Variants in NUFIP1 observed in about 807,000 individuals in gnomAD.
NUFIP1 encodes the protein FMR1-interacting protein NUFIP1.
A neutral mutation model predicts 56.2 loss-of-function variants in NUFIP1; 38 were observed. The ratio of observed to expected loss-of-function variants is 0.68; its 90% CI spans 0.52 to 0.89. NUFIP1 has a LOEUF of 0.89. NUFIP1 is among the 40% of genes least tolerant of loss of function. NUFIP1 has a pLI of 0.00. For synonymous variants in NUFIP1, 215 were observed against 212.4 expected, an observed-to-expected ratio of 1.01 and a Z score of -0.10; for missense variants, 567 against 605.8, an observed-to-expected ratio of 0.94 and a Z score of 0.67.
chr13:44,985,194 T>A (rs1470642735), intron 1 of NUFIP1, among the ~76,000 whole-genome samples: 1 of 152,218 alleles, frequency 6.6e-6, no homozygotes, highest in African/African-American at 2.4e-5. Flanking sequence ...GACTAATAGC[T>A]AAAAGCCTAT....
chr13:44,974,687 G>A (rs1398453699), intron 5 of NUFIP1, among the ~76,000 whole-genome samples: 1 of 152,136 alleles, frequency 6.6e-6, no homozygotes, highest in Non-Finnish European at 1.5e-5. Flanking sequence ...GAGAGGCTTG[G>A]ACTACAAGTG....
intron 7 of NUFIP1, among the ~76,000 whole-genome samples, chr13:44,954,124 AAAT>A (rs1326140982): frequency 2.6e-5 from 4 of 152,298 alleles, no homozygotes; most frequent in African/African-American, 9.6e-5. Flanking sequence ...CTGGCTGACA[AAAT>A]AATACTCAAG....
At chr13:44,942,877 G>C (rs904679193) in intron 9 of NUFIP1, among the ~76,000 whole-genome samples, 6 of 151,418 alleles carry the variant, frequency 4.0e-5, no homozygotes, top group African/African-American at 1.5e-4. Flanking sequence ...GGGGCAGTAG[G>C]ATCACTTGAG....
At chr13:44,947,072 T>C (rs1254404094) in intron 8 of NUFIP1, among the ~76,000 whole-genome samples, 1 of 152,132 alleles carries the variant, frequency 6.6e-6, no homozygotes, top group Non-Finnish European at 1.5e-5. Flanking sequence ...ATATCCTTTG[T>C]TATCTATAAA....
intron 6 of NUFIP1, among the ~76,000 whole-genome samples, chr13:44,962,167 G>A (rs979685133): frequency 1.3e-5 from 2 of 152,138 alleles, no homozygotes; most frequent in African/African-American, 2.4e-5. Flanking sequence ...TACATTAAAC[G>A]TAAATGAACT....
intron 5 of NUFIP1, among the ~76,000 whole-genome samples, chr13:44,966,772 G>A (rs1033661330): frequency 9.2e-5 from 14 of 151,808 alleles, no homozygotes; most frequent in Admixed American, 5.9e-4. Context: ...TCAGGAGTTC[G>A]AGACCAGCTT....
Position 44,977,328 on chromosome 13 carries a change from T to C in NUFIP1, c.734+1862A>G, listed in dbSNP as rs142364054. ...ATGTATTTGCAAAGGAGGTAGTAAA[T>C]AATGCTTTAGGGTAGTGTGTTTCAG... is the stretch of plus-strand genomic sequence containing the variant. On this transcript the variant is annotated intron_variant, in intron 5 of 9. Transcript: ENST00000379161. 2.6e-5 allele frequency among the ~76,000 whole-genome samples: 4 copies of C among 152,324 alleles called. No homozygotes were observed. In the East Asian group the frequency reaches 7.7e-4, roughly 29 times the overall value.
At chr13:44,961,700 G>A (rs1871429635) in intron 6 of NUFIP1, among the ~76,000 whole-genome samples, 1 of 152,146 alleles carries the variant, frequency 6.6e-6, no homozygotes, top group Admixed American at 6.5e-5. Context: ...AAGAAAACAG[G>A]TCTAGTTTCT....
intron 7 of NUFIP1, among the ~76,000 whole-genome samples, chr13:44,956,027 C>T (rs1871224836): frequency 1.3e-5 from 2 of 151,028 alleles, no homozygotes; most frequent in Non-Finnish European, 2.9e-5. Flanking sequence ...CCTGTAGTCC[C>T]AGCTACTCGG....
At chr13:44,943,727 T>C (rs1870825847) in intron 8 of NUFIP1, 53 bp from the exon 9 acceptor site, 1 of 1,387,694 alleles carries the variant, frequency 7.2e-7, no homozygotes. Context: ...ACAAAACAGG[T>C]AGACCTTTCA....
At chr13:44,981,931 C>CATAAAACATAAAACATGTTTAAA in intron 2 of NUFIP1, 141 bp downstream of exon 2, 1 of 395,586 alleles carries the variant, frequency 2.5e-6, no homozygotes, top group Non-Finnish European at 4.5e-6. Context: ...TCATGTTTAA[C>CATAAAACATAAAACATGTTTAAA]CATAAAATTC....
intron 1 of NUFIP1, among the ~76,000 whole-genome samples, chr13:44,986,841 G>C (rs1439946751): frequency 6.6e-6 from 1 of 152,126 alleles, no homozygotes; most frequent in Non-Finnish European, 1.5e-5. Flanking sequence ...AAGATGCTGT[G>C]AACACTGTTG....
intron 5 of NUFIP1, among the ~76,000 whole-genome samples, chr13:44,977,010 A>T (rs137855891): frequency 1.9e-3 from 282 of 152,316 alleles, no homozygotes; most frequent in African/African-American, 6.5e-3. Context: ...ACACTGCCAC[A>T]CTGGGGACCA....
At chr13:44,961,062 A>AG (rs968748096) in intron 6 of NUFIP1, among the ~76,000 whole-genome samples, 2 of 151,830 alleles carry the variant, frequency 1.3e-5, no homozygotes, top group African/African-American at 4.8e-5. Context: ...GAAAAAAAAA[A>AG]AAAAAAAAAA....
At chr13:44,956,792 C>T (rs1005402692) in intron 7 of NUFIP1, among the ~76,000 whole-genome samples, 4 of 152,122 alleles carry the variant, frequency 2.6e-5, no homozygotes, top group African/African-American at 4.8e-5. Flanking sequence ...CGCTGCTCCC[C>T]GCCTCCCCAT....
In NUFIP1 at chr13:44,943,642, C is replaced by T. The variant is rs186731898; in HGVS notation, c.1171G>A (p.Ala391Thr). 12 of 1,613,428 alleles carry T rather than the reference C, an allele frequency of 7.4e-6. No homozygotes were observed. In the Admixed American group the frequency reaches 1.7e-4, roughly 22 times the overall value. Reference sequence around the variant, plus strand: ...CTGCTATCAAGAACCTGGTTTTCTGCCAAAACGTCTGCTTCAGTCTTGATG... The same window carrying T: ...CTGCTATCAAGAACCTGGTTTTCTGTCAAAACGTCTGCTTCAGTCTTGATG... ...TPIKTEADVL[A>T]ENQVLDSSAP... Residue 391 changes from alanine (A) to threonine (T), a missense_variant, in exon 9 of 10, where the codon GCA becomes ACA. Ala to Thr is a moderately conservative substitution (Grantham distance 58, BLOSUM62 0). Transcript: ENST00000379161.
rs1566054856 is a variant in NUFIP1 at position 44,943,508 on chromosome 13, T to C, written c.1305A>G (p.Lys435=). 2 of 1,614,200 alleles carry C rather than the reference T, an allele frequency of 1.2e-6. No individual in the cohort carries two copies. The highest frequency in any genetic ancestry group is 1.7e-6 in the Non-Finnish European group (2 of 1,180,028). ...ACGTTTGATAGTTGTGATAATCTTTTTTCCTCTTAGGGTTTGTTTTTTCAA... is the reference window on the plus strand; with the variant it reads ...ACGTTTGATAGTTGTGATAATCTTTCTTCCTCTTAGGGTTTGTTTTTTCAA... ...KSFEKTNPKR[K]KDYHNYQTLF... Residue 435 remains lysine, a synonymous_variant, in exon 9 of 10, where the codon AAA becomes AAG. Transcript: ENST00000379161.
intron 6 of NUFIP1, among the ~76,000 whole-genome samples, chr13:44,961,051 A>G (rs1263054199): frequency 6.9e-6 from 1 of 144,430 alleles, no homozygotes; most frequent in Non-Finnish European, 1.5e-5. Flanking sequence ...CTCTGTCTCC[A>G]GAAAAAAAAA....
chr13:44,988,962 A>C (rs1295426190), intron 1 of NUFIP1, 63 bp downstream of exon 1: 28 of 1,527,170 alleles, frequency 1.8e-5, no homozygotes, highest in Non-Finnish European at 2.4e-5. Context: ...AAGCAGAGAA[A>C]GGGGAGAGGA....
Sources: allele counts gnomAD v4.1 joint callset (sites outside exome capture counted in the v4.1 genomes callset), GRCh38; gene constraint gnomAD v4.1.1; transcripts MANE v1.5; gene names NCBI Gene and HGNC (gene_info 2026-07-23, HGNC 2026-07-21).